Variants in TNNT1 observed in about 807,000 individuals in gnomAD.
TNNT1 encodes the protein troponin T1, slow skeletal type.
Under a neutral mutation model 50.6 loss-of-function variants are expected in TNNT1, and 53 were observed. The ratio of observed to expected loss-of-function variants is 1.05; its 90% CI spans 0.84 to 1.32. The LOEUF (loss-of-function observed/expected upper bound fraction) is 1.32, where lower values mean the gene tolerates loss of function less well. Ranked by LOEUF, TNNT1 falls within the 40% of genes most tolerant of loss-of-function variation. The probability of loss-of-function intolerance (pLI) is 0.00; values close to 1 mark genes in which losing one functional copy is unlikely to be tolerated. For synonymous variants in TNNT1, 142 were observed against 138.0 expected, an observed-to-expected ratio of 1.03 and a Z score of -0.20; for missense variants, 348 against 381.7, an observed-to-expected ratio of 0.91 and a Z score of 0.74.
At chr19:55,133,441 A>G (rs2085283343) in intron 13 of TNNT1, 4 of 298,700 alleles carry the variant, frequency 1.3e-5, no homozygotes, top group Middle Eastern at 1.2e-3. Flanking sequence ...GCACTTTAGG[A>G]GGCCAAGGCG....
intron 9 of TNNT1, among the ~76,000 whole-genome samples, chr19:55,140,153 G>A (rs1420842291): frequency 2.0e-5 from 3 of 148,848 alleles, no homozygotes; most frequent in African/African-American, 5.0e-5. Flanking sequence ...AAAAAAAAAG[G>A]GAAAAGAAGA....
At chr19:55,139,473 C>T (rs1316568034) in intron 9 of TNNT1, among the ~76,000 whole-genome samples, 1 of 152,166 alleles carries the variant, frequency 6.6e-6, no homozygotes, top group Non-Finnish European at 1.5e-5. Context: ...CATTCCCTTC[C>T]CTTTTCCAGC....
intron 6 of TNNT1, 111 bp downstream of exon 6, chr19:55,145,433 C>T: frequency 1.0e-6 from 1 of 976,460 alleles, no homozygotes; most frequent in Non-Finnish European, 1.6e-6. Context: ...ATGTCGACTG[C>T]TGTTTCAATT....
At chr19:55,145,204 T>C (rs1053844171) in intron 6 of TNNT1, among the ~76,000 whole-genome samples, 16 of 148,650 alleles carry the variant, frequency 1.1e-4, no homozygotes, top group African/African-American at 4.0e-4. Flanking sequence ...GAGGCTGAGA[T>C]GGGAGGATTG....
intron 9 of TNNT1, among the ~76,000 whole-genome samples, chr19:55,138,599 C>T (rs955957451): frequency 9.2e-5 from 14 of 152,058 alleles, no homozygotes; most frequent in Non-Finnish European, 1.9e-4. Flanking sequence ...GTCTTAATAT[C>T]CTCCCAGAAA....
At chr19:55,140,178 G>A (rs1246677678) in intron 9 of TNNT1, among the ~76,000 whole-genome samples, 1 of 151,688 alleles carries the variant, frequency 6.6e-6, no homozygotes, top group African/African-American at 2.4e-5. Context: ...GGAGAATCCA[G>A]GCCGGGCACG....
At position 55,145,556 on chromosome 19, in the gene TNNT1, C is replaced by A; in HGVS notation, c.116G>T (p.Arg39Leu). 6.2e-7 allele frequency: 1 copy of A among 1,613,412 alleles called. No individual in the cohort carries two copies. Among genetic ancestry groups the A allele is most frequent in the South Asian group, 1.1e-5 (1 of 91,052 alleles). The change falls in exon 6 of 14, where the codon CGC (arginine) becomes CTC (leucine). Residue 39 changes from arginine to leucine, a missense_variant. Around this residue, in one of 3 missense-constraint regions of TNNT1, gnomAD observed 90 missense variants for 70.8 expected, o/e 1.27. Transcript: ENST00000588981. ...TGTAGGATCTCACCTTGGTTTGGGG[C>A]GTTCCTCTTCTGTTGGTGGTGGGGG... Reference protein sequence around the residue: ...PEPVAEPEEERPKPSRPVVPP... With the variant: ...PEPVAEPEEELPKPSRPVVPP...
At chr19:55,136,929 C>A (rs925649387) in intron 11 of TNNT1, among the ~76,000 whole-genome samples, 174 bp downstream of exon 11, 1 of 152,104 alleles carries the variant, frequency 6.6e-6, no homozygotes, top group African/African-American at 2.4e-5. Context: ...GGTTCAGTGA[C>A]ATGTTTCACA....
At chr19:55,143,759 C>A (rs193154825) in intron 6 of TNNT1, among the ~76,000 whole-genome samples, 242 of 152,226 alleles carry the variant, frequency 1.6e-3, no homozygotes, top group Admixed American at 3.3e-3. Context: ...ATGCCATTCA[C>A]TCCAATGACT....
In TNNT1 at chr19:55,148,483, C is replaced by A. The variant is rs141490098; in HGVS notation, c.-12+678G>T. 1.2e-3 allele frequency among the ~76,000 whole-genome samples: 186 copies of A among 152,090 alleles called. 1 individual carries two copies. Among genetic ancestry groups the A allele is most frequent in the African/African-American group, 4.2e-3 (174 of 41,490 alleles). On this transcript the variant is annotated intron_variant, in intron 1 of 13. Transcript: ENST00000588981. Reference sequence around the variant, plus strand: ...ATCCCAATACCCACAGATTCTGAGACCCCGATTTATGATGCCCGTGTTTCT... The same window carrying A: ...ATCCCAATACCCACAGATTCTGAGAACCCGATTTATGATGCCCGTGTTTCT...
Position 55,145,551 on chromosome 19 carries a change from T to TG in TNNT1, c.120dup (p.Lys41GlnfsTer22), listed in dbSNP as rs1555859304. ...CACCCTGTAGGATCTCACCTTGGTTTGGGGCGTTCCTCTTCTGTTGGTGGT... is the reference window on the plus strand; with the variant it reads ...CACCCTGTAGGATCTCACCTTGGTTTGGGGGCGTTCCTCTTCTGTTGGTGGT... On this transcript the variant is annotated frameshift_variant, in exon 6 of 14. Transcript: ENST00000588981. LOFTEE classifies it high-confidence loss of function. The TG allele has an allele frequency of 6.2e-7, 1 of 1,613,406 alleles. No individual in the cohort carries two copies. The highest frequency in any genetic ancestry group is 8.5e-7 in the Non-Finnish European group (1 of 1,179,682).
chr19:55,142,175 C>T (rs2085470220), intron 6 of TNNT1: 6 of 409,888 alleles, frequency 1.5e-5, no homozygotes, highest in South Asian at 1.4e-4. Context: ...GGCTGGAGTG[C>T]GGTGGCGCCA....
chr19:55,138,059 T>G lies in TNNT1; in HGVS notation c.403A>C (p.Lys135Gln). 1.2e-6 allele frequency: 2 copies of G among 1,614,180 alleles called. No individual in the cohort carries two copies. The change falls in exon 10 of 14, where the codon AAG (lysine) becomes CAG (glutamine). Residue 135 changes from lysine (K) to glutamine (Q), a missense_variant. Around this residue, in one of 3 missense-constraint regions of TNNT1, gnomAD observed 253 missense variants for 291.8 expected, o/e 0.87. Coordinates refer to ENST00000588981, the MANE Select transcript of TNNT1 (RefSeq NM_003283.6). The part of the protein sequence containing the change: ...QAKLAEEKMR[K>Q]EEEEAKKRAE... ...CGCTTCTTGGCCTCTTCCTCTTCCT[T>G]CCTCATCTTCTCCTCCTGTGGGAAG...
chr19:55,135,492 C>A, intron 11 of TNNT1: 2 of 331,568 alleles, frequency 6.0e-6, no homozygotes, highest in South Asian at 2.2e-5. Context: ...GCAGTCTCAA[C>A]CTCTCAGGCT....
intron 13 of TNNT1, among the ~76,000 whole-genome samples, chr19:55,133,228 G>C (rs2085279114): frequency 1.3e-5 from 2 of 151,992 alleles, no homozygotes; most frequent in Admixed American, 1.3e-4. Flanking sequence ...TATGAGTCAG[G>C]GGCCAGGGTG....
At position 55,140,957 on chromosome 19, in the gene TNNT1, G is replaced by C; in HGVS notation, c.313C>G (p.Arg105Gly). The C allele has an allele frequency of 6.2e-7, 1 of 1,613,402 alleles. No individual in the cohort carries two copies. The highest frequency in any genetic ancestry group is 8.5e-7 in the Non-Finnish European group (1 of 1,179,772). The change falls in exon 9 of 14, where the codon CGG (arginine) becomes GGG (glycine). Residue 105 changes from arginine to glycine, a missense_variant. Transcript: ENST00000588981. ...TGCTCGGCTCTCTCTGACCGGCGCCGCTCCTGGGAAACGGAGAAGCATAAG... is the reference window on the plus strand; with the variant it reads ...TGCTCGGCTCTCTCTGACCGGCGCCCCTCCTGGGAAACGGAGAAGCATAAG... ...ELVALKERIE[R>G]RRSERAEQQR... is the part of the protein sequence containing the mutation.
chr19:55,143,969 G>A (rs918876576), intron 6 of TNNT1, among the ~76,000 whole-genome samples: 3 of 151,878 alleles, frequency 2.0e-5, no homozygotes, highest in Non-Finnish European at 2.9e-5. Context: ...GAGACCCTTC[G>A]GGGTTGTCCC....
rs2085300916 is a variant in TNNT1 at position 55,134,163 on chromosome 19, G to C, written c.653C>G (p.Pro218Arg). The change falls in exon 12 of 14, where the codon CCT (proline) becomes CGT (arginine). Residue 218 changes from proline (P) to arginine (R), a missense_variant. Around this residue, in one of 3 missense-constraint regions of TNNT1, gnomAD observed 253 missense variants for 291.8 expected, o/e 0.87. Coordinates refer to ENST00000588981, the MANE Select transcript of TNNT1 (RefSeq NM_003283.6). ...CAGCTCCTGGGCTTTCTCCCTGGCA[G>C]GGCAGGAGGGCTGTGATGGAGGCAG... ...AWLPPSQPSC[P>R]AREKAQELSD... The C allele has an allele frequency of 1.9e-6, 3 of 1,596,708 alleles. No individual in the cohort carries two copies. The highest frequency in any genetic ancestry group is 2.7e-5 in the African/African-American group (2 of 74,888).
chr19:55,147,439 G>A (rs1157148887), intron 1 of TNNT1: 33 of 372,290 alleles, frequency 8.9e-5, no homozygotes, highest in Non-Finnish European at 1.1e-4. Flanking sequence ...GGGTCTGAGG[G>A]AGGAGGAGCT....
Sources: allele counts gnomAD v4.1 joint callset (sites outside exome capture counted in the v4.1 genomes callset), GRCh38; gene constraint gnomAD v4.1.1; regional missense constraint gnomAD v4.1.1; transcripts MANE v1.5; gene names NCBI Gene and HGNC (gene_info 2026-07-23, HGNC 2026-07-21).